Variants in SLC2A9 observed in about 807,000 individuals in gnomAD.
SLC2A9 encodes the protein solute carrier family 2 member 9.
Under a neutral mutation model 50.6 loss-of-function variants are expected in SLC2A9, and 39 were observed. The observed-to-expected ratio is 0.77, with a 90% CI of 0.60 to 1.01. The LOEUF (loss-of-function observed/expected upper bound fraction) is 1.01, where lower values mean the gene tolerates loss of function less well. Among genes scored for constraint, SLC2A9 ranks in the 50% least tolerant of loss-of-function variants. SLC2A9 has a pLI of 0.00. For missense variants in SLC2A9, 686 were observed against 677.6 expected, an observed-to-expected ratio of 1.01 and a Z score of -0.14; for synonymous variants, 324 against 276.9, an observed-to-expected ratio of 1.17 and a Z score of -1.69.
chr4:9,942,180 G>T, intron 5 of SLC2A9, 135 bp from the exon 6 acceptor site: 1 of 1,085,252 alleles, frequency 9.2e-7, no homozygotes, highest in Non-Finnish European at 1.4e-6. Context: ...AAAGGCTGAG[G>T]GAAGGAACTG....
chr4:10,030,520 C>G (rs1763907752), intron 1 of SLC2A9, among the ~76,000 whole-genome samples: 1 of 152,062 alleles, frequency 6.6e-6, no homozygotes, highest in African/African-American at 2.4e-5. Context: ...GTAATAAATG[C>G]AGCATCCTAA....
At chr4:9,900,342 G>C (rs1424990514) in intron 8 of SLC2A9, among the ~76,000 whole-genome samples, 1 of 152,174 alleles carries the variant, frequency 6.6e-6, no homozygotes, top group Non-Finnish European at 1.5e-5. Flanking sequence ...AGGAAAATTT[G>C]GTGGGAAGTA....
chr4:9,896,347 G>C (rs147140988), intron 8 of SLC2A9, among the ~76,000 whole-genome samples: 3 of 152,246 alleles, frequency 2.0e-5, no homozygotes, highest in African/African-American at 7.2e-5. Flanking sequence ...AATTTCCCTG[G>C]TGACAGTAAC....
intron 6 of SLC2A9, among the ~76,000 whole-genome samples, chr4:9,936,136 T>C (rs1308992146): frequency 6.6e-6 from 1 of 152,148 alleles, no homozygotes; most frequent in Non-Finnish European, 1.5e-5. Flanking sequence ...AGTAAAAAGT[T>C]GAAAATGAAT....
At chr4:9,775,705 C>T (rs1717461813), downstream of SLC2A9, among the ~76,000 whole-genome samples, 1 of 152,136 alleles carries the variant, frequency 6.6e-6, no homozygotes, top group African/African-American at 2.4e-5. Flanking sequence ...TGATTGTAAG[C>T]TTCCTGAGGC....
At chr4:9,954,086 G>T (rs1383901161) in intron 5 of SLC2A9, among the ~76,000 whole-genome samples, 1 of 152,218 alleles carries the variant, frequency 6.6e-6, no homozygotes, top group Non-Finnish European at 1.5e-5. Context: ...TGGGATTACA[G>T]GCTTGAGCCA....
chr4:9,951,915 G>T (rs1476932774), intron 5 of SLC2A9, among the ~76,000 whole-genome samples: 1 of 152,262 alleles, frequency 6.6e-6, no homozygotes, highest in African/African-American at 2.4e-5. Context: ...TATCAAAGCA[G>T]TGGGGTTAAG....
intron 3 of SLC2A9, among the ~76,000 whole-genome samples, chr4:9,813,775 G>T (rs1321736363): frequency 2.0e-5 from 3 of 152,012 alleles, no homozygotes; most frequent in African/African-American, 7.2e-5. Context: ...AAGAATTCTA[G>T]AGGCAAGGGT....
intron 2 of SLC2A9, among the ~76,000 whole-genome samples, chr4:10,012,054 A>G (rs1458787781): frequency 2.0e-5 from 3 of 152,240 alleles, no homozygotes; most frequent in Non-Finnish European, 2.9e-5. Context: ...TCATTTACAT[A>G]TCATCTATAA....
intron 6 of SLC2A9, among the ~76,000 whole-genome samples, chr4:9,935,627 G>C (rs1746924227): frequency 6.6e-6 from 1 of 152,236 alleles, no homozygotes; most frequent in African/African-American, 2.4e-5. Flanking sequence ...AGATCCCACA[G>C]TCTCTCTGCA....
In SLC2A9 at chr4:9,828,890, C is replaced by T. The variant is rs186289358; in HGVS notation, c.1420-2290G>A. Among the ~76,000 whole-genome samples the T allele has an allele frequency of 1.2e-3, 180 of 152,214 alleles. 1 individual carries two copies. Among genetic ancestry groups the T allele is most frequent in the Middle Eastern group, 3.4e-3 (1 of 294 alleles). On this transcript the variant is annotated intron_variant, in intron 11 of 11. Transcript: ENST00000264784. ...TCATTTTTCTTGTATTCCCAGAGCC[C>T]GGAGAGTCTCTGATATACAGTAGAT...
At chr4:9,974,085 A>G (rs917408793) in intron 5 of SLC2A9, among the ~76,000 whole-genome samples, 2 of 152,196 alleles carry the variant, frequency 1.3e-5, no homozygotes, top group Non-Finnish European at 2.9e-5. Context: ...AAATCCAACA[A>G]GCCTTAATGA....
At chr4:9,829,761 A>C (rs1263453866) in intron 11 of SLC2A9, among the ~76,000 whole-genome samples, 1 of 152,208 alleles carries the variant, frequency 6.6e-6, no homozygotes, top group Admixed American at 6.5e-5. Flanking sequence ...CATATGAAAA[A>C]AAGCTCAACA....
intron 6 of SLC2A9, among the ~76,000 whole-genome samples, chr4:9,921,098 T>A (rs576937634): frequency 6.6e-6 from 1 of 152,200 alleles, no homozygotes; most frequent in Non-Finnish European, 1.5e-5. Context: ...TTGGCCAGGA[T>A]GCCCTGCAGT....
At chr4:9,950,636 G>C (rs1347349971) in intron 5 of SLC2A9, among the ~76,000 whole-genome samples, 2 of 152,142 alleles carry the variant, frequency 1.3e-5, no homozygotes, top group Non-Finnish European at 2.9e-5. Context: ...CTTAAACACT[G>C]TTCATGGGAA....
At chr4:9,935,605 G>T (rs1044091049) in intron 6 of SLC2A9, among the ~76,000 whole-genome samples, 2 of 152,200 alleles carry the variant, frequency 1.3e-5, no homozygotes, top group African/African-American at 4.8e-5. Context: ...CCCCTGCCCA[G>T]TGTCAACACT....
chr4:9,843,136 G>T (rs189365277), intron 10 of SLC2A9, among the ~76,000 whole-genome samples: 1 of 152,130 alleles, frequency 6.6e-6, no homozygotes, highest in African/African-American at 2.4e-5. Context: ...AATGTGGGCT[G>T]AGAGAGCTGG....
chr4:9,877,410 G>A (rs535644315), intron 10 of SLC2A9, among the ~76,000 whole-genome samples: 1 of 152,296 alleles, frequency 6.6e-6, no homozygotes, highest in African/African-American at 2.4e-5. Context: ...AGATTCAGAG[G>A]CAGACATATC....
At chr4:9,954,727 A>G (rs1479934777) in intron 5 of SLC2A9, among the ~76,000 whole-genome samples, 2 of 152,126 alleles carry the variant, frequency 1.3e-5, no homozygotes, top group Non-Finnish European at 2.9e-5. Context: ...CCTGATGAGT[A>G]AAAGAGGTAG....
Sources: allele counts gnomAD v4.1 joint callset (sites outside exome capture counted in the v4.1 genomes callset), GRCh38; gene constraint gnomAD v4.1.1; transcripts MANE v1.5; gene names NCBI Gene and HGNC (gene_info 2026-07-23, HGNC 2026-07-21).